Variants in ANXA1 observed in about 807,000 individuals in gnomAD.
The protein encoded by ANXA1 is annexin I (lipocortin I).
A neutral mutation model predicts 47.9 loss-of-function variants in ANXA1; 39 were observed. The ratio of observed to expected loss-of-function variants is 0.81; its 90% CI spans 0.63 to 1.06. The LOEUF (loss-of-function observed/expected upper bound fraction) is 1.06. Among genes scored for constraint, ANXA1 ranks in the 50% least tolerant of loss-of-function variants. ANXA1 has a pLI of 0.00. For synonymous variants in ANXA1, 146 were observed against 142.5 expected (o/e 1.02, Z -0.17); for missense variants, 446 against 422.7 (o/e 1.06, Z -0.48).
chr9:73,160,236 TC>T, intron 4 of ANXA1, 26 bp from the exon 5 acceptor site: 1 of 1,482,204 alleles, frequency 6.7e-7, no homozygotes. Flanking sequence ...TTATTGGAAG[TC>T]CTGATTCTAA....
At position 73,160,301 on chromosome 9, in the gene ANXA1, C is replaced by A. The variant is rs746085433; in HGVS notation, c.309C>A (p.His103Gln). 1.3e-6 allele frequency: 2 copies of A among 1,584,920 alleles called. No homozygotes were observed. ...CACTGAAGAAAGCCCTTACAGGTCA[C>A]CTTGAGGAGGTTGTTTTAGCTCTGC... ...DETLKKALTG[H>Q]LEEVVLALLK... Residue 103 changes from histidine (H) to glutamine (Q), a missense_variant, in exon 5 of 13, where the codon CAC becomes CAA. Transcript: ENST00000257497.
intron 8 of ANXA1, among the ~76,000 whole-genome samples, chr9:73,164,189 G>T (rs1824189719): frequency 1.3e-5 from 2 of 152,028 alleles, no homozygotes; most frequent in Admixed American, 1.3e-4. Context: ...ATTCATTACA[G>T]TGCTTCACTA....
chr9:73,158,899 G>C, intron 3 of ANXA1, 96 bp downstream of exon 3: 2 of 988,226 alleles, frequency 2.0e-6, no homozygotes, highest in East Asian at 5.1e-5. Context: ...GAAAGAATCT[G>C]TTTCATTTTG....
intron 9 of ANXA1, among the ~76,000 whole-genome samples, chr9:73,165,798 G>A (rs2795119): frequency 0.16 from 24,510 of 151,836 alleles, 2,893 homozygotes; most frequent in African/African-American, 0.33. Context: ...TCCATTTGCT[G>A]TGGCTCTTAG....
chr9:73,170,086 G>T lies in ANXA1; in HGVS notation c.1020G>T (p.Val340=). The T allele has an allele frequency of 6.2e-7, 1 of 1,606,716 alleles. No individual in the cohort carries two copies. The highest frequency in any genetic ancestry group is 8.5e-7 in the Non-Finnish European group (1 of 1,175,886). ...AAGGAGATTATGAGAAAATCCTGGT[G>T]GCTCTTTGTGGAGGAAACTAAACAT... The part of the protein sequence containing the change: ...ETKGDYEKIL[V]ALCGGN Residue 340 remains valine (V), a synonymous_variant, in exon 13 of 13, where the codon GTG becomes GTT. Coordinates refer to ENST00000257497, the MANE Select transcript of ANXA1 (RefSeq NM_000700.3).
chr9:73,160,654 T>A (rs1341244858), intron 5 of ANXA1, 149 bp from the exon 6 acceptor site: 2 of 635,464 alleles, frequency 3.1e-6, no homozygotes, highest in Non-Finnish European at 2.8e-6. Flanking sequence ...TTTAGGGCAA[T>A]GTAATAGAGC....
chr9:73,168,880 G>GTT (rs1554674604), intron 11 of ANXA1, 152 bp from the exon 12 acceptor site: 1 of 382,804 alleles, frequency 2.6e-6, no homozygotes, highest in South Asian at 3.8e-5. Context: ...ATTCGTGTAA[G>GTT]GTGTGTGTGT....
intron 9 of ANXA1, 21 bp from the exon 10 acceptor site, chr9:73,166,076 T>C: frequency 6.4e-7 from 1 of 1,561,060 alleles, no homozygotes; most frequent in East Asian, 2.3e-5. Context: ...GCATGTATCT[T>C]AGTTTGAATT....
intron 1 of ANXA1, among the ~76,000 whole-genome samples, chr9:73,152,259 C>G (rs1204199361): frequency 6.6e-6 from 1 of 152,088 alleles, no homozygotes; most frequent in African/African-American, 2.4e-5. Context: ...TCCTTTCCTT[C>G]CCCTTGAAAT....
chr9:73,168,880 G>GGTGTGTGTGTGTGTGC (rs1824276606), intron 11 of ANXA1, 152 bp from the exon 12 acceptor site: 1 of 401,832 alleles, frequency 2.5e-6, no homozygotes, highest in Non-Finnish European at 4.6e-6. Flanking sequence ...ATTCGTGTAA[G>GGTGTGTGTGTGTGTGC]GTGTGTGTGT....
intron 4 of ANXA1, chr9:73,159,688 G>A: frequency 7.2e-6 from 2 of 279,390 alleles, no homozygotes; most frequent in Non-Finnish European, 6.8e-6. Flanking sequence ...CGTAAACATC[G>A]AGATTGCTGC....
chr9:73,162,291 C>G (rs770879694), intron 6 of ANXA1, among the ~76,000 whole-genome samples: 2 of 151,812 alleles, frequency 1.3e-5, no homozygotes, highest in African/African-American at 2.4e-5. Flanking sequence ...TTTCCTATTA[C>G]AGTATTATTT....
Position 73,158,596 on chromosome 9 carries a change from T to A in ANXA1, c.61T>A (p.Tyr21Asn). ...AWFIENEEQE[Y>N]VQTVKSSKGG... ...GTTTATTGAAAATGAAGAGCAGGAA[T>A]ATGTTGTAAGTAGAGTGATAATAAA... Residue 21 changes from tyrosine (Y) to asparagine (N), a missense_variant, in exon 2 of 13, where the codon TAT becomes AAT. Coordinates refer to ENST00000257497, the MANE Select transcript of ANXA1 (RefSeq NM_000700.3). 1 of 1,613,508 alleles carries A rather than the reference T, an allele frequency of 6.2e-7. No homozygotes were observed. The highest frequency in any genetic ancestry group is 8.5e-7 in the Non-Finnish European group (1 of 1,179,566).
chr9:73,164,964 T>C (rs879797840), intron 8 of ANXA1, 152 bp from the exon 9 acceptor site: 50 of 577,816 alleles, frequency 8.7e-5, no homozygotes, highest in Admixed American at 9.9e-5. Flanking sequence ...ATAAGGTCCC[T>C]ATCTTTAAAG....
chr9:73,160,574 A>T (rs1824122490), intron 5 of ANXA1, among the ~76,000 whole-genome samples, 198 bp downstream of exon 5: 1 of 152,184 alleles, frequency 6.6e-6, no homozygotes, highest in South Asian at 2.1e-4. Flanking sequence ...CTTCCATGTC[A>T]TGTCACTATA....
chr9:73,153,662 CT>C (rs1824004423), intron 1 of ANXA1, among the ~76,000 whole-genome samples: 1 of 152,082 alleles, frequency 6.6e-6, no homozygotes, highest in African/African-American at 2.4e-5. Context: ...ATTTTATATC[CT>C]ATAGTTGTGG....
At chr9:73,164,577 G>T (rs927962793) in intron 8 of ANXA1, among the ~76,000 whole-genome samples, 2 of 151,970 alleles carry the variant, frequency 1.3e-5, no homozygotes, top group East Asian at 1.9e-4. Flanking sequence ...AATAAAGACC[G>T]CTTGTGACAA....
At chr9:73,160,464 A>G (rs973533196) in intron 5 of ANXA1, 88 bp downstream of exon 5, 3 of 849,156 alleles carry the variant, frequency 3.5e-6, no homozygotes, top group African/African-American at 1.7e-5. Flanking sequence ...AAAATCTAGT[A>G]TAGTACCTGT....
chr9:73,167,954 A>G (rs1824260183), intron 11 of ANXA1: 1 of 166,974 alleles, frequency 6.0e-6, no homozygotes, highest in Non-Finnish European at 1.3e-5. Flanking sequence ...TATGCCACAG[A>G]TTAATAGTTG....
Sources: gnomAD v4.1 joint callset for allele counts (sites outside exome capture counted in the v4.1 genomes callset) on GRCh38, gnomAD v4.1.1 for gene constraint, MANE v1.5 for transcripts, NCBI Gene and HGNC (gene_info 2026-07-23, HGNC 2026-07-21) for gene names.